GALK2: variants seen among roughly 807,000 people sequenced by gnomAD.
The protein encoded by GALK2 is N-acetylgalactosamine kinase.
In GALK2, 36 loss-of-function variants were observed where a neutral mutation model predicts 52.4. The ratio of observed to expected loss-of-function variants is 0.69; its 90% confidence interval spans 0.53 to 0.91. The LOEUF (loss-of-function observed/expected upper bound fraction) is 0.91. Among genes scored for constraint, GALK2 ranks in the 40% least tolerant of loss-of-function variants. The pLI, the probability that GALK2 is intolerant of heterozygous loss-of-function variation, is 0.00. For synonymous variants in GALK2, 176 were observed against 199.1 expected (o/e 0.88, Z 0.98); for missense variants, 579 against 559.1 (o/e 1.04, Z -0.36).
chr15:49,234,550 A>G (rs907228146), intron 3 of GALK2, among the ~76,000 whole-genome samples: 11 of 152,194 alleles, frequency 7.2e-5, no homozygotes, highest in African/African-American at 2.7e-4. Context: ...GTCACATCTT[A>G]CATGGCAGCG....
At chr15:49,171,414 T>TA (rs1473671891) in intron 1 of GALK2, among the ~76,000 whole-genome samples, 1 of 152,146 alleles carries the variant, frequency 6.6e-6, no homozygotes, top group Non-Finnish European at 1.5e-5. Context: ...TTTTTTCTGT[T>TA]AGTTTTTTTC....
At chr15:49,201,060 G>GTC in intron 1 of GALK2, 102 bp from the exon 2 acceptor site, 1 of 587,638 alleles carries the variant, frequency 1.7e-6, no homozygotes, top group Non-Finnish European at 3.1e-6. Context: ...TGGAGTGTGT[G>GTC]TGTGTGTGTG....
chr15:49,219,343 C>T (rs2089624405), intron 3 of GALK2, among the ~76,000 whole-genome samples: 1 of 152,124 alleles, frequency 6.6e-6, no homozygotes, highest in African/African-American at 2.4e-5. Flanking sequence ...CTCTTTTTGC[C>T]TGACACCATT....
chr15:49,211,276 G>C (rs2088862263), intron 2 of GALK2, among the ~76,000 whole-genome samples: 1 of 152,170 alleles, frequency 6.6e-6, no homozygotes, highest in Non-Finnish European at 1.5e-5. Context: ...TAACAAAAGT[G>C]ACCTTTACTC....
In GALK2 at chr15:49,268,366, A is replaced by G. The variant is rs528732783; in HGVS notation, c.505-13621A>G. Among the ~76,000 whole-genome samples the G allele has an allele frequency of 9.1e-4, 138 of 152,356 alleles. 5 individuals carry two copies. The South Asian group carries it at 0.027, about 30-fold the overall frequency. On this transcript the variant is annotated intron_variant, in intron 5 of 9. Transcript: ENST00000560031. ...GAGATGTAAAAGCTGAGTTGCAGGT[A>G]CAAGCCAAAAATTACTCATTTTTTA...
At chr15:49,266,281 A>G (rs1267317654) in intron 5 of GALK2, among the ~76,000 whole-genome samples, 1 of 152,056 alleles carries the variant, frequency 6.6e-6, no homozygotes, top group Non-Finnish European at 1.5e-5. Flanking sequence ...CTCTACCCAA[A>G]TTGAGCAAAG....
At chr15:49,258,380 G>A (rs941246729) in intron 5 of GALK2, among the ~76,000 whole-genome samples, 1 of 152,022 alleles carries the variant, frequency 6.6e-6, no homozygotes, top group Non-Finnish European at 1.5e-5. Context: ...TGTCTGATGA[G>A]GTAACGTTTG....
chr15:49,241,984 T>C (rs760865441), intron 5 of GALK2, among the ~76,000 whole-genome samples: 13 of 152,200 alleles, frequency 8.5e-5, no homozygotes, highest in Non-Finnish European at 1.8e-4. Flanking sequence ...ACTAACAATA[T>C]TTACATTTTC....
chr15:49,265,665 G>A (rs577435457), intron 5 of GALK2, among the ~76,000 whole-genome samples: 10 of 152,324 alleles, frequency 6.6e-5, no homozygotes, highest in African/African-American at 1.9e-4. Context: ...CTTCTGCGTC[G>A]CTCACGCTGG....
intron 1 of GALK2, among the ~76,000 whole-genome samples, chr15:49,183,916 C>A (rs1429640659): frequency 6.6e-6 from 1 of 151,006 alleles, no homozygotes; most frequent in African/African-American, 2.4e-5. Flanking sequence ...GAACCATGTG[C>A]TGAGGAGAGG....
intron 3 of GALK2, among the ~76,000 whole-genome samples, chr15:49,352,719 C>G (rs1311826222): frequency 1.3e-5 from 2 of 152,140 alleles, no homozygotes; most frequent in African/African-American, 2.4e-5. Flanking sequence ...ATAGCTTGGT[C>G]ATCACAGCGC....
intron 3 of GALK2, among the ~76,000 whole-genome samples, chr15:49,352,428 A>C (rs963028796): frequency 3.3e-5 from 5 of 152,198 alleles, no homozygotes; most frequent in South Asian, 2.1e-4. Flanking sequence ...CATAGGACTT[A>C]TGTTAAGTAA....
intron 3 of GALK2, among the ~76,000 whole-genome samples, chr15:49,338,257 G>A (rs924813725): frequency 7.2e-5 from 11 of 152,176 alleles, no homozygotes; most frequent in African/African-American, 2.2e-4. Flanking sequence ...TGTTTTTGCA[G>A]TGCCTGGTAC....
chr15:49,201,364 C>T (rs2087760718), intron 2 of GALK2, 114 bp downstream of exon 2: 1 of 583,858 alleles, frequency 1.7e-6, no homozygotes. Context: ...TCACATGTAT[C>T]TACTAATAGT....
chr15:49,177,779 G>A, intron 1 of GALK2: 2 of 591,776 alleles, frequency 3.4e-6, no homozygotes, highest in Non-Finnish European at 5.5e-6. Context: ...TGGGTGGCAG[G>A]ATTTTTTCTG....
At chr15:49,332,966 C>G (rs982363188), downstream of GALK2, among the ~76,000 whole-genome samples, 3 of 151,644 alleles carry the variant, frequency 2.0e-5, no homozygotes, top group African/African-American at 7.3e-5. Context: ...TTGCTGATTG[C>G]TCTTTAGGCT....
At chr15:49,332,000 G>C (rs2038856520), downstream of GALK2, 1 of 597,472 alleles carries the variant, frequency 1.7e-6, no homozygotes, top group South Asian at 2.0e-5. Flanking sequence ...AACTTCTGAA[G>C]TAGGTACTCC....
intron 3 of GALK2, chr15:49,235,508 A>G: frequency 2.5e-6 from 1 of 407,742 alleles, no homozygotes; most frequent in Non-Finnish European, 4.8e-6. Context: ...GGGTGTGCCA[A>G]ACAGCAGGCC....
In GALK2 at chr15:49,328,523, G is replaced by C; in HGVS notation, c.*364G>C. ...TTGTTACAATTAAACTGATACCACT[G>C]AATTGTATGCATTATTCTTGAATAG... On this transcript the variant is annotated 3_prime_UTR_variant, in exon 10 of 10. Transcript: ENST00000560031. 1 of 1,603,112 alleles carries C rather than the reference G, an allele frequency of 6.2e-7. No individual in the cohort carries two copies. Among genetic ancestry groups the C allele is most frequent in the Non-Finnish European group, 8.5e-7 (1 of 1,173,232 alleles).
Sources: allele counts gnomAD v4.1 joint callset (sites outside exome capture counted in the v4.1 genomes callset), GRCh38; gene constraint gnomAD v4.1.1; transcripts MANE v1.5; gene names NCBI Gene and HGNC (gene_info 2026-07-23, HGNC 2026-07-21).